SCAF1: variants seen among roughly 807,000 people sequenced by gnomAD.
The protein encoded by SCAF1 is splicing factor, arginine/serine-rich 19.
SCAF1 carries 28 observed loss-of-function variants against 91.2 expected under a neutral mutation model. The observed-to-expected ratio is 0.31, with a 90% CI of 0.23 to 0.42. The LOEUF (loss-of-function observed/expected upper bound fraction) is 0.42. Ranked by LOEUF, SCAF1 falls within the 10% of genes least tolerant of loss-of-function variation. SCAF1 has a pLI of 1.00. For synonymous variants in SCAF1, 1,036 were observed against 833.7 expected (o/e 1.24, Z -4.18); for missense variants, 1,893 against 1,872.1 (o/e 1.01, Z -0.21).
Position 49,653,410 on chromosome 19 carries a change from G to T in SCAF1, c.3021G>T (p.Leu1007=). 3 of 1,545,484 alleles carry T rather than the reference G, an allele frequency of 1.9e-6. No individual in the cohort carries two copies. Among genetic ancestry groups the T allele is most frequent in the Non-Finnish European group, 2.6e-6 (3 of 1,144,430 alleles). Reference sequence around the variant, plus strand: ...GCAAGACACCTGAGGTCTCCTTCCTGCCCGAGGAGGCCACTGAGGAGGCTG... The same window carrying T: ...GCAAGACACCTGAGGTCTCCTTCCTTCCCGAGGAGGCCACTGAGGAGGCTG... The part of the protein sequence containing the change: ...SSCKTPEVSF[L]PEEATEEAGV... The change falls in exon 7 of 11, where the codon CTG becomes CTT. Residue 1007 remains leucine, a synonymous_variant. Transcript: ENST00000360565.
chr19:49,646,055 A>C lies in SCAF1; in HGVS notation c.167-53A>C, dbSNP rs2081052870. The C allele has an allele frequency of 1.3e-6, 2 of 1,516,670 alleles. No individual in the cohort carries two copies. The highest frequency in any genetic ancestry group is 1.8e-6 in the Non-Finnish European group (2 of 1,095,260). 94.0% of individuals were successfully genotyped at this position (1,516,670 alleles called of 1,614,324 possible). ...AAGCTCCTCTTTCCTCTACCCCGCA[A>C]GTCTCTGCAGCAAGTCCCCTGTGTC... is the stretch of plus-strand genomic sequence containing the variant. On this transcript the variant is annotated intron_variant, in intron 3 of 10. Coordinates refer to ENST00000360565, the MANE Select transcript of SCAF1 (RefSeq NM_021228.3). This position sits in a 1 kb window ranked among gnomAD's most constrained non-coding sequence, Gnocchi z 5.6.
In SCAF1 at chr19:49,646,266, T is replaced by C; in HGVS notation, c.261+64T>C. On this transcript the variant is annotated intron_variant, in intron 4 of 10. Transcript: ENST00000360565. The surrounding 1 kb of genome is among the most constrained non-coding windows in gnomAD (Gnocchi z 5.6). ...TATCAGGGAGGAAGGGATGGGGGCCTGAGTCTGGGGGAATGGGGTTTGGGG... is the reference window on the plus strand; with the variant it reads ...TATCAGGGAGGAAGGGATGGGGGCCCGAGTCTGGGGGAATGGGGTTTGGGG... 1 of 1,103,584 alleles carries C rather than the reference T, an allele frequency of 9.1e-7. No individual in the cohort carries two copies. The allele number at this position is 1,103,584 out of a possible 1,614,324, so 68.4% of individuals were successfully genotyped here. A position where few individuals can be genotyped will look rare whatever the true frequency, so the allele number is the denominator to read the frequency against.
rs756220962 is a variant in SCAF1, at chr19:49,654,392, C to T, written c.3360C>T (p.Ser1120=). 1 of 1,613,580 alleles carries T rather than the reference C, an allele frequency of 6.2e-7. No homozygotes were observed. The highest frequency in any genetic ancestry group is 2.2e-5 in the East Asian group (1 of 44,880). The change falls in exon 8 of 11, where the codon AGC becomes AGT. Residue 1120 remains serine, a synonymous_variant. Coordinates refer to ENST00000360565, the MANE Select transcript of SCAF1 (RefSeq NM_021228.3). Reference sequence around the variant, plus strand: ...AGATGGAAGAAGCCAACCTGGCGAGCCGAGCGAAGGCCCAGGAGCTGATCC... The same window carrying T: ...AGATGGAAGAAGCCAACCTGGCGAGTCGAGCGAAGGCCCAGGAGCTGATCC... ...LFKMEEANLA[S]RAKAQELIQA... is the part of the protein sequence containing the mutation.
chr19:49,656,156 C>T (rs1033626432), intron 9 of SCAF1, among the ~76,000 whole-genome samples: 4 of 132,072 alleles, frequency 3.0e-5, no homozygotes, highest in South Asian at 2.3e-4. Flanking sequence ...CTGCAGGACT[C>T]GGACGGTGAG....
In SCAF1 at chr19:49,645,264, C is replaced by T. The variant is rs911266338; in HGVS notation, c.109-90C>T. ...CCTTGAAGCACTTGAGTCTAGCTGTCAGTGTCTGGGATGTCTGTCTCCCAA... is the reference window on the plus strand; with the variant it reads ...CCTTGAAGCACTTGAGTCTAGCTGTTAGTGTCTGGGATGTCTGTCTCCCAA... On this transcript the variant is annotated intron_variant, in intron 2 of 10. Coordinates refer to ENST00000360565, the MANE Select transcript of SCAF1 (RefSeq NM_021228.3). This position sits in a 1 kb window ranked among gnomAD's most constrained non-coding sequence, Gnocchi z 4.6. 4 of 1,523,166 alleles carry T rather than the reference C, an allele frequency of 2.6e-6. No individual in the cohort carries two copies. The African/African-American group carries it at 5.5e-5, about 21-fold the overall frequency. 94.4% of individuals were successfully genotyped at this position (1,523,166 alleles called of 1,614,324 possible).
Position 49,651,020 on chromosome 19 carries a change from CCCCCACCGCCCCCTGCACCCCCAG to C in SCAF1, c.639_662del (p.Pro214_Pro221del). The C allele has an allele frequency of 1.4e-6, 1 of 699,082 alleles. No homozygotes were observed. The highest frequency in any genetic ancestry group is 2.2e-6 in the Non-Finnish European group (1 of 445,940). 43.3% of individuals were successfully genotyped at this position (699,082 alleles called of 1,614,324 possible). A position where few individuals can be genotyped will look rare whatever the true frequency, so the allele number is the denominator to read the frequency against. On this transcript the variant is annotated inframe_deletion, in exon 7 of 11. Transcript: ENST00000360565. ...ATCTTCCTCCCCTTCCCCTCCCCCA[CCCCCACCGCCCCCTGCACCCCCAG>C]CCCCACCTGCCCCCCGATTCGATAT...
At position 49,652,347 on chromosome 19, in the gene SCAF1, A is replaced by G; in HGVS notation, c.1958A>G (p.Lys653Arg). Residue 653 changes from lysine to arginine, a missense_variant, in exon 7 of 11, where the codon AAG becomes AGG. By Grantham distance (26) the Lys-to-Arg change is conservative (BLOSUM62 2). Coordinates refer to ENST00000360565, the MANE Select transcript of SCAF1 (RefSeq NM_021228.3). The stretch of plus-strand genomic sequence containing the variant: ...AAGCGGTCGCGGTCCCGGGGTGAGA[A>G]GCGGTCTGGGGATGGCAGCGAGAAG... ...KKKRSRSRGE[K>R]RSGDGSEKAP... is the part of the protein sequence containing the mutation. The G allele has an allele frequency of 6.5e-7, 1 of 1,536,446 alleles. No individual in the cohort carries two copies. Among genetic ancestry groups the G allele is most frequent in the Non-Finnish European group, 8.7e-7 (1 of 1,143,696 alleles).
intron 6 of SCAF1, among the ~76,000 whole-genome samples, chr19:49,650,099 A>G (rs940308187): frequency 6.6e-6 from 1 of 152,194 alleles, no homozygotes; most frequent in Non-Finnish European, 1.5e-5. Context: ...GTGACATACG[A>G]AGCACCATGC....
At chr19:49,647,487 C>G (rs1329901303) in intron 6 of SCAF1, among the ~76,000 whole-genome samples, 1 of 152,102 alleles carries the variant, frequency 6.6e-6, no homozygotes, top group Non-Finnish European at 1.5e-5. Flanking sequence ...GTTGAGAACC[C>G]TGGGTTTAGG....
In SCAF1 at chr19:49,651,647, A is replaced by C. The variant is rs7251334; in HGVS notation, c.1258A>C (p.Thr420Pro). 1,412,300 of 1,429,794 alleles carry C rather than the reference A, an allele frequency of 0.99. 697,525 individuals are homozygous for C. Among genetic ancestry groups the C allele is most frequent in the East Asian group, 1 (35,806 of 35,806 alleles). The allele number at this position is 1,429,794 out of a possible 1,614,324, so 88.6% of individuals were successfully genotyped here. Reference sequence around the variant, plus strand: ...CCCCGGCGGCCGGGCCGCCCGGCCTACACCGGCCGCCTCGGCCACCCCCAC... The same window carrying C: ...CCCCGGCGGCCGGGCCGCCCGGCCTCCACCGGCCGCCTCGGCCACCCCCAC... Reference protein sequence around the residue: ...FRPGGRAARPTPAASATPTAQ... With the variant: ...FRPGGRAARPPPAASATPTAQ... Residue 420 changes from threonine (T) to proline (P), a missense_variant, in exon 7 of 11, where the codon ACA becomes CCA. By Grantham distance (38) the Thr-to-Pro change is conservative (BLOSUM62 -1). Coordinates refer to ENST00000360565, the MANE Select transcript of SCAF1 (RefSeq NM_021228.3).
chr19:49,652,235 C>T lies in SCAF1; in HGVS notation c.1846C>T (p.Pro616Ser). Residue 616 changes from proline (P) to serine (S), a missense_variant, in exon 7 of 11, where the codon CCC (proline) becomes TCC (serine). By Grantham distance (74) the Pro-to-Ser change is moderately conservative (BLOSUM62 -1). This residue lies in a region of SCAF1 where 1,436 missense variants were observed against 1,306.8 expected (regional missense o/e 1.10). Coordinates refer to ENST00000360565, the MANE Select transcript of SCAF1 (RefSeq NM_021228.3). ...ACGGCGGCGGCGCTCCGCCTCCCCG[C>T]CCCCGGCCACTTCCTCATCGTCGTC... is the stretch of plus-strand genomic sequence containing the variant. ...RRRRRRSASPPPATSSSSSSR... is the reference protein window; with the variant it reads ...RRRRRRSASPSPATSSSSSSR... 1.4e-6 allele frequency: 2 copies of T among 1,393,218 alleles called. No homozygotes were observed. Among genetic ancestry groups the T allele is most frequent in the South Asian group, 1.5e-5 (1 of 64,532 alleles). The allele number at this position is 1,393,218 out of a possible 1,614,324, so 86.3% of individuals were successfully genotyped here.
chr19:49,657,615 G>A, intron 9 of SCAF1, 146 bp from the exon 10 acceptor site: 2 of 1,019,760 alleles, frequency 2.0e-6, no homozygotes, highest in Non-Finnish European at 1.4e-6. Flanking sequence ...AGGGCGCATG[G>A]GACAGACCCT....
In SCAF1 at chr19:49,657,814, C is replaced by T; in HGVS notation, c.3672C>T (p.Ala1224=). The change falls in exon 10 of 11, where the codon GCC becomes GCT. Residue 1224 remains alanine, a synonymous_variant. Transcript: ENST00000360565. ...QERAVEEVKL[A]IKPYYQKKDI... ...GGGCGGTGGAGGAGGTGAAGCTGGC[C>T]ATCAAGCCATACTATCAGAAGAAGG... The T allele has an allele frequency of 6.2e-7, 1 of 1,608,696 alleles. No homozygotes were observed. Among genetic ancestry groups the T allele is most frequent in the Non-Finnish European group, 8.5e-7 (1 of 1,177,512 alleles).
rs766517807 is a variant in SCAF1 at position 49,658,527 on chromosome 19, C to T, written c.*128C>T. On this transcript the variant is annotated 3_prime_UTR_variant, in exon 11 of 11. Coordinates refer to ENST00000360565, the MANE Select transcript of SCAF1 (RefSeq NM_021228.3). The stretch of plus-strand genomic sequence containing the variant: ...GGGTTGCTGCAGGGAAGAGGAGAGC[C>T]CCCTGCCCTGCCCTGCCCCGTGTCC... The T allele has an allele frequency of 1.6e-5, 10 of 636,862 alleles. No individual in the cohort carries two copies. Among genetic ancestry groups the T allele is most frequent in the Non-Finnish European group, 2.5e-5 (9 of 365,690 alleles). The allele number at this position is 636,862 out of a possible 1,614,324, so 39.5% of individuals were successfully genotyped here. A position where few individuals can be genotyped will look rare whatever the true frequency, so the allele number is the denominator to read the frequency against.
At position 49,646,896 on chromosome 19, in the gene SCAF1, G is replaced by A. The variant is rs2081058954; in HGVS notation, c.478+66G>A. The A allele has an allele frequency of 5.1e-6, 6 of 1,180,260 alleles. No individual in the cohort carries two copies. The highest frequency in any genetic ancestry group is 2.8e-4 in the Middle Eastern group (1 of 3,590). 73.1% of individuals were successfully genotyped at this position (1,180,260 alleles called of 1,614,324 possible). A position where few individuals can be genotyped will look rare whatever the true frequency, so the allele number is the denominator to read the frequency against. On this transcript the variant is annotated intron_variant, in intron 6 of 10. Coordinates refer to ENST00000360565, the MANE Select transcript of SCAF1 (RefSeq NM_021228.3). The surrounding 1 kb of genome is among the most constrained non-coding windows in gnomAD (Gnocchi z 5.6). ...GTTGTGTGGGGATCGGCTGTTTTTG[G>A]TAGTGATGGTAGCGGTGATCATGTT...
intron 10 of SCAF1, 59 bp downstream of exon 10, chr19:49,657,948 GAT>G (rs2081153786): frequency 6.3e-7 from 1 of 1,581,318 alleles, no homozygotes; most frequent in Admixed American, 1.8e-5. Flanking sequence ...TGGAGGGACA[GAT>G]GTGTGCAGAC....
At position 49,657,799 on chromosome 19, in the gene SCAF1, G is replaced by A. The variant is rs777006031; in HGVS notation, c.3657G>A (p.Glu1219=). 1 of 1,607,532 alleles carries A rather than the reference G, an allele frequency of 6.2e-7. No individual in the cohort carries two copies. The highest frequency in any genetic ancestry group is 1.3e-5 in the African/African-American group (1 of 74,842). The change falls in exon 10 of 11, where the codon GAG becomes GAA. Residue 1219 remains glutamate, a synonymous_variant. Transcript: ENST00000360565. ...TGCACACGCAGGAGCGGGCGGTGGA[G>A]GAGGTGAAGCTGGCCATCAAGCCAT... ...KKLHTQERAV[E]EVKLAIKPYY... is the part of the protein sequence containing the mutation.
intron 6 of SCAF1, among the ~76,000 whole-genome samples, chr19:49,648,354 C>T (rs900916758): frequency 6.6e-5 from 10 of 152,034 alleles, no homozygotes; most frequent in African/African-American, 1.4e-4. Context: ...TGAAGTGATC[C>T]GCCTGCCTCA....
Position 49,646,109 on chromosome 19 carries a change from T to C in SCAF1, c.168T>C (p.Asp56=), listed in dbSNP as rs1040262568. ...TCCCCCATGCAAATCTCTCACCAGA[T>C]GGCTCTCGGTGTCATGGCCTTCGAT... ...SLQGDLPNDK[D]GSRCHGLRWR... The change falls in exon 4 of 11, where the codon GAT becomes GAC. Residue 56 remains aspartate (D), a splice_region_variant and synonymous_variant. Coordinates refer to ENST00000360565, the MANE Select transcript of SCAF1 (RefSeq NM_021228.3). This position sits in a 1 kb window ranked among gnomAD's most constrained non-coding sequence, Gnocchi z 5.6. The C allele has an allele frequency of 1.9e-6, 3 of 1,611,668 alleles. No homozygotes were observed. The African/African-American group carries it at 4.0e-5, about 22-fold the overall frequency.
Sources: gnomAD v4.1 joint callset for allele counts (sites outside exome capture counted in the v4.1 genomes callset) on GRCh38, gnomAD v4.1.1 for gene constraint, gnomAD v4.1.1 regional missense constraint, Gnocchi (gnomAD v3.1) non-coding constraint, MANE v1.5 for transcripts, NCBI Gene and HGNC (gene_info 2026-07-23, HGNC 2026-07-21) for gene names.